GTF2IRD2B: variants seen among roughly 807,000 people sequenced by gnomAD.
GTF2IRD2B encodes the protein GTF2I repeat domain containing 2B.
GTF2IRD2B carries 10 observed loss-of-function variants against 55.6 expected under a neutral mutation model. The observed-to-expected ratio is 0.18, with a 90% CI of 0.11 to 0.31. The LOEUF is 0.31. Among genes scored for constraint, GTF2IRD2B ranks in the 10% least tolerant of loss-of-function variants. The pLI is 1.00. For missense variants in GTF2IRD2B, 206 were observed against 802.7 expected (o/e 0.26, Z 8.98); for synonymous variants, 107 against 320.5 (o/e 0.33, Z 7.12).
At chr7:75,130,134 T>TTTCTTTCTTTCTTTCC (rs1808623858) in intron 8 of GTF2IRD2B, among the ~76,000 whole-genome samples, 2 of 90,670 alleles carry the variant, frequency 2.2e-5, no homozygotes, top group African/African-American at 7.5e-5. Context: ...TCTTTCTTTC[T>TTTCTTTCTTTCTTTCC]TTCTTTCTTT....
At chr7:75,106,113 T>C (rs1398680955) in intron 1 of GTF2IRD2B, among the ~76,000 whole-genome samples, 1 of 152,296 alleles carries the variant, frequency 6.6e-6, no homozygotes, top group Non-Finnish European at 1.5e-5. Flanking sequence ...CCTTACATCT[T>C]CAGTTTTGGT....
intron 1 of GTF2IRD2B, among the ~76,000 whole-genome samples, chr7:75,103,645 G>A (rs1264760813): frequency 1.3e-5 from 2 of 151,884 alleles, no homozygotes; most frequent in East Asian, 1.9e-4. Context: ...CCCATTTCCA[G>A]AGAGCAGGAA....
intron 2 of GTF2IRD2B, among the ~76,000 whole-genome samples, chr7:75,110,689 C>T (rs1279384573): frequency 1.5e-4 from 8 of 54,964 alleles, no homozygotes; most frequent in African/African-American, 3.0e-4. Flanking sequence ...GGGTGGCTCA[C>T]GCCCGTAATC....
Position 75,134,395 on chromosome 7 carries a change from CAACAA to C in GTF2IRD2B, c.749-590_749-586del, listed in dbSNP as rs1234033639. Among the ~76,000 whole-genome samples the C allele has an allele frequency of 2.1e-5, 3 of 142,584 alleles. 1 individual carries two copies. Among genetic ancestry groups the C allele is most frequent in the East Asian group, 1.9e-4 (1 of 5,190 alleles). The allele number at this position is 142,584 out of a possible 152,430, so 93.5% of individuals were successfully genotyped here. ...GGAGTGAAACTCTCTCTCAAAACAACAACAAAACAAAACAAAACAATCAGACCTAA... is the reference window on the plus strand; with the variant it reads ...GGAGTGAAACTCTCTCTCAAAACAACAACAAAACAAAACAATCAGACCTAA... On this transcript the variant is annotated intron_variant, in intron 9 of 15. Coordinates refer to ENST00000472837, the MANE Select transcript of GTF2IRD2B (RefSeq NM_001003795.3).
chr7:75,103,962 GCA>G (rs1807672911), intron 1 of GTF2IRD2B, among the ~76,000 whole-genome samples: 1 of 150,138 alleles, frequency 6.7e-6, no homozygotes, highest in Admixed American at 6.7e-5. Flanking sequence ...AACCTGGGAG[GCA>G]GAGCTTGCAG....
intron 3 of GTF2IRD2B, among the ~76,000 whole-genome samples, chr7:75,117,898 C>T (rs1442641322): frequency 1.9e-4 from 29 of 152,212 alleles, no homozygotes; most frequent in African/African-American, 4.8e-5. Flanking sequence ...GCCTGGCCAA[C>T]ATGGCGAAAC....
chr7:75,137,820 G>A lies in GTF2IRD2B; in HGVS notation c.871+970G>A, dbSNP rs1315395936. On this transcript the variant is annotated intron_variant, in intron 11 of 15. Coordinates refer to ENST00000472837, the MANE Select transcript of GTF2IRD2B (RefSeq NM_001003795.3). ...ACAAACTAACAAAAATATCAGCCATGCATGGTGGCATGCATCTGTAGTCTC... is the reference window on the plus strand; with the variant it reads ...ACAAACTAACAAAAATATCAGCCATACATGGTGGCATGCATCTGTAGTCTC... 2.7e-5 allele frequency among the ~76,000 whole-genome samples: 4 copies of A among 150,894 alleles called. No individual in the cohort carries two copies. In the East Asian group the frequency reaches 7.7e-4, roughly 29 times the overall value.
intron 1 of GTF2IRD2B, among the ~76,000 whole-genome samples, chr7:75,104,845 A>G (rs1383036265): frequency 2.0e-5 from 3 of 152,398 alleles, no homozygotes; most frequent in African/African-American, 4.8e-5. Context: ...CGGAGAGGCA[A>G]TTGAGGCTGC....
chr7:75,115,396 A>G lies in GTF2IRD2B; in HGVS notation c.238+2861A>G, dbSNP rs587607312. Among the ~76,000 whole-genome samples the G allele has an allele frequency of 3.3e-5, 5 of 150,582 alleles. No individual in the cohort carries two copies. In the South Asian group the frequency reaches 1.0e-3, roughly 32 times the overall value. On this transcript the variant is annotated intron_variant, in intron 3 of 15. Coordinates refer to ENST00000472837, the MANE Select transcript of GTF2IRD2B (RefSeq NM_001003795.3). ...CTTCAAGATTATTTCTGTTATTCAG[A>G]GTCCCTTGGTGTTCCATATGAATTT... is the stretch of plus-strand genomic sequence containing the variant.
In GTF2IRD2B at chr7:75,149,163, G is replaced by T. The variant is rs782261096; in HGVS notation, c.2716G>T (p.Ala906Ser). ...GSYPKYKHHC[A>S]KILSMFGSTY... ...CTACCCGAAATACAAGCACCATTGC[G>T]CAAAGATTCTTTCCATGTTCGGGAG... is the stretch of plus-strand genomic sequence containing the variant. The change falls in exon 16 of 16, where the codon GCA becomes TCA. Residue 906 changes from alanine (A) to serine (S), a missense_variant. Ala to Ser is a moderately conservative substitution (Grantham distance 99). Transcript: ENST00000472837. 1.2e-5 allele frequency: 8 copies of T among 662,756 alleles called. No homozygotes were observed. The highest frequency in any genetic ancestry group is 1.7e-5 in the Non-Finnish European group (6 of 362,006). 41.1% of individuals were successfully genotyped at this position (662,756 alleles called of 1,614,324 possible). A position where few individuals can be genotyped will look rare whatever the true frequency, so the allele number is the denominator to read the frequency against.
intron 3 of GTF2IRD2B, 37 bp downstream of exon 3, chr7:75,112,572 T>C (rs782463944): frequency 1.1e-6 from 1 of 931,106 alleles, no homozygotes; most frequent in Non-Finnish European, 1.6e-6. Context: ...ATTCCCAATC[T>C]CAAAAGGATC....
At chr7:75,116,503 A>G (rs1228182382) in intron 3 of GTF2IRD2B, among the ~76,000 whole-genome samples, 4 of 150,850 alleles carry the variant, frequency 2.7e-5, no homozygotes, top group Non-Finnish European at 4.5e-5. Context: ...ATCATGTATC[A>G]TCTATGAACA....
chr7:75,132,824 A>G (rs187812409), intron 8 of GTF2IRD2B, among the ~76,000 whole-genome samples: 1 of 149,276 alleles, frequency 6.7e-6, no homozygotes, highest in Non-Finnish European at 1.5e-5. Flanking sequence ...AAGTACTGGT[A>G]TTGGAGGCAT....
At chr7:75,092,968 G>A (rs1429152937) in intron 1 of GTF2IRD2B, among the ~76,000 whole-genome samples, 7 of 152,182 alleles carry the variant, frequency 4.6e-5, no homozygotes, top group Admixed American at 2.0e-4. Flanking sequence ...GTGTGAGGGT[G>A]GGGGCGGGGA....
intron 1 of GTF2IRD2B, among the ~76,000 whole-genome samples, chr7:75,105,516 AACAG>A (rs1191631752): frequency 2.8e-3 from 430 of 152,202 alleles, no homozygotes; most frequent in African/African-American, 9.6e-3. Context: ...AAAACAAACA[AACAG>A]ACAACCAAAT....
chr7:75,092,957 G>A (rs1362022353), intron 1 of GTF2IRD2B, among the ~76,000 whole-genome samples, 192 bp downstream of exon 1: 2 of 152,088 alleles, frequency 1.3e-5, no homozygotes, highest in East Asian at 3.9e-4. Flanking sequence ...CAGGACCAGA[G>A]GTGTGAGGGT....
chr7:75,123,132 G>A lies in GTF2IRD2B; in HGVS notation c.359-4G>A. ...CATCCAAAGACGTTTGCGTCTTCTT[G>A]TAGGTAAAGCCTTAGGGACAACAGT... is the stretch of plus-strand genomic sequence containing the variant. On this transcript the variant is annotated splice_polypyrimidine_tract_variant and splice_region_variant and intron_variant, in intron 4 of 15. Coordinates refer to ENST00000472837, the MANE Select transcript of GTF2IRD2B (RefSeq NM_001003795.3). 2.0e-6 allele frequency: 3 copies of A among 1,522,616 alleles called. No individual in the cohort carries two copies. Among genetic ancestry groups the A allele is most frequent in the Non-Finnish European group, 2.6e-6 (3 of 1,137,348 alleles). 94.3% of individuals were successfully genotyped at this position (1,522,616 alleles called of 1,614,324 possible).
chr7:75,099,782 A>AAATAAATAAATAAAAC (rs1280631027), intron 1 of GTF2IRD2B, among the ~76,000 whole-genome samples: 1 of 140,680 alleles, frequency 7.1e-6, no homozygotes, highest in East Asian at 2.0e-4. Flanking sequence ...ATAAATAAAT[A>AAATAAATAAATAAAAC]AAACATAATC....
At chr7:75,136,325 A>G (rs1271461171) in intron 10 of GTF2IRD2B, among the ~76,000 whole-genome samples, 1 of 148,478 alleles carries the variant, frequency 6.7e-6, no homozygotes, top group South Asian at 2.1e-4. Flanking sequence ...TTGAGACAGA[A>G]TCTCACCCTG....
Sources: gnomAD v4.1 joint callset for allele counts (sites outside exome capture counted in the v4.1 genomes callset) on GRCh38, gnomAD v4.1.1 for gene constraint, MANE v1.5 for transcripts, NCBI Gene and HGNC (gene_info 2026-07-23, HGNC 2026-07-21) for gene names.